ADGRB3: variants seen among roughly 807,000 people sequenced by gnomAD.
ADGRB3 encodes the protein adhesion G protein-coupled receptor B3.
Under a neutral mutation model 193.4 loss-of-function variants are expected in ADGRB3, and 37 were observed. That is an observed-to-expected ratio of 0.19 (90% CI 0.15 to 0.25). The LOEUF is 0.25. ADGRB3 is among the 10% of genes least tolerant of loss of function. The probability of loss-of-function intolerance (pLI) is 1.00; values close to 1 mark genes in which losing one functional copy is unlikely to be tolerated. For synonymous variants in ADGRB3, 690 were observed against 644.2 expected (o/e 1.07, Z -1.08); for missense variants, 1,637 against 1,852.9 (o/e 0.88, Z 2.14).
chr6:68,675,213 T>C (rs58129604), intron 3 of ADGRB3, among the ~76,000 whole-genome samples: 1,532 of 152,254 alleles, frequency 0.01, 24 homozygotes, highest in African/African-American at 0.034. Flanking sequence ...TCCTTAGACA[T>C]ATTTACATCA....
At chr6:69,299,202 C>T (rs183345198) in intron 20 of ADGRB3, among the ~76,000 whole-genome samples, 174 of 151,818 alleles carry the variant, frequency 1.1e-3, no homozygotes, top group Non-Finnish European at 2.0e-3. Context: ...TGTCTATTCA[C>T]ATCTTTTTTT....
intron 20 of ADGRB3, among the ~76,000 whole-genome samples, chr6:69,248,469 A>G (rs1021532442): frequency 2.6e-5 from 4 of 152,246 alleles, no homozygotes; most frequent in Non-Finnish European, 1.5e-5. Context: ...TTAAGTTATC[A>G]CTAAAGATCT....
At chr6:68,801,874 A>G (rs559417398) in intron 3 of ADGRB3, among the ~76,000 whole-genome samples, 10 of 152,234 alleles carry the variant, frequency 6.6e-5, no homozygotes, top group African/African-American at 2.4e-4. Context: ...GCTGAACTGC[A>G]GAAATGGACA....
intron 17 of ADGRB3, among the ~76,000 whole-genome samples, chr6:69,130,316 A>G (rs529047025): frequency 6.6e-6 from 1 of 152,008 alleles, no homozygotes. Flanking sequence ...TTAACATATG[A>G]ATTTTGGGAT....
intron 11 of ADGRB3, among the ~76,000 whole-genome samples, chr6:69,002,042 C>G (rs1769593593): frequency 6.6e-6 from 1 of 152,134 alleles, no homozygotes; most frequent in African/African-American, 2.4e-5. Flanking sequence ...TCTGATACAT[C>G]CGCTAGGTTT....
chr6:69,175,225 C>T (rs1473879421), intron 17 of ADGRB3, among the ~76,000 whole-genome samples: 5 of 152,172 alleles, frequency 3.3e-5, no homozygotes, highest in African/African-American at 1.2e-4. Flanking sequence ...ATGGGTTAAA[C>T]ATTTAAATAT....
chr6:68,818,996 T>A (rs2127379356), intron 3 of ADGRB3, among the ~76,000 whole-genome samples: 1 of 152,256 alleles, frequency 6.6e-6, no homozygotes, highest in African/African-American at 2.4e-5. Context: ...TTCTTTAACT[T>A]GAAATTTTAC....
At chr6:68,788,966 G>A (rs980027568) in intron 3 of ADGRB3, among the ~76,000 whole-genome samples, 1 of 152,128 alleles carries the variant, frequency 6.6e-6, no homozygotes, top group African/African-American at 2.4e-5. Context: ...AGCAGAGACT[G>A]GGATTGCAAA....
chr6:69,101,741 G>A (rs567606408), intron 17 of ADGRB3, among the ~76,000 whole-genome samples: 3 of 151,988 alleles, frequency 2.0e-5, no homozygotes, highest in African/African-American at 7.2e-5. Flanking sequence ...ATCTCATAAA[G>A]CCCTATAGGA....
Position 69,197,624 on chromosome 6 carries a change from G to A in ADGRB3, c.2481-35666G>A, listed in dbSNP as rs1765329426. 2.6e-5 allele frequency among the ~76,000 whole-genome samples: 4 copies of A among 152,120 alleles called. No homozygotes were observed. The South Asian group carries it at 8.3e-4, about 32-fold the overall frequency. ...TGACTTCCACTCACCTGTTTTAAAT[G>A]TGAGACTCCTGGATCCCTTCTGTCA... On this transcript the variant is annotated intron_variant, in intron 17 of 31. Transcript: ENST00000370598.
chr6:69,293,363 T>C (rs975401739), intron 20 of ADGRB3, among the ~76,000 whole-genome samples: 1 of 152,102 alleles, frequency 6.6e-6, no homozygotes, highest in Admixed American at 6.6e-5. Context: ...ATTACCTTAG[T>C]CCTCTCTAAA....
intron 3 of ADGRB3, among the ~76,000 whole-genome samples, chr6:68,878,202 T>C (rs2150223127): frequency 6.6e-6 from 1 of 152,174 alleles, no homozygotes; most frequent in South Asian, 2.1e-4. Context: ...TATTGAAAAA[T>C]GTTCCAATAT....
intron 17 of ADGRB3, among the ~76,000 whole-genome samples, chr6:69,110,035 C>T (rs1746071686): frequency 6.6e-6 from 1 of 150,916 alleles, no homozygotes; most frequent in African/African-American, 2.4e-5. Context: ...GCAACCTCCA[C>T]CTCCCGGGTT....
At chr6:68,749,516 T>A (rs1169680423) in intron 3 of ADGRB3, among the ~76,000 whole-genome samples, 2 of 151,868 alleles carry the variant, frequency 1.3e-5, no homozygotes, top group African/African-American at 2.4e-5. Context: ...CAGTATTGCA[T>A]GTAAATTTGT....
intron 25 of ADGRB3, 101 bp downstream of exon 25, chr6:69,339,115 G>A: frequency 4.7e-6 from 6 of 1,282,908 alleles, no homozygotes; most frequent in Middle Eastern, 1.9e-4. Context: ...TACAAGACCA[G>A]AGAGTATATT....
chr6:69,256,430 G>T (rs1433990680), intron 20 of ADGRB3, among the ~76,000 whole-genome samples: 2 of 152,134 alleles, frequency 1.3e-5, no homozygotes, highest in Non-Finnish European at 2.9e-5. Flanking sequence ...TCCCTTGTAA[G>T]GTGGATTCCT....
intron 17 of ADGRB3, among the ~76,000 whole-genome samples, chr6:69,080,576 T>C (rs1772358145): frequency 6.6e-6 from 1 of 151,924 alleles, no homozygotes; most frequent in Non-Finnish European, 1.5e-5. Flanking sequence ...AATATCATGG[T>C]CTCATTGTTT....
intron 11 of ADGRB3, among the ~76,000 whole-genome samples, chr6:69,012,354 C>A (rs940173641): frequency 6.6e-6 from 1 of 151,976 alleles, no homozygotes; most frequent in Non-Finnish European, 1.5e-5. Context: ...TCATGGACCT[C>A]AGCACAGCTA....
At chr6:68,902,890 A>G (rs1272233133) in intron 3 of ADGRB3, among the ~76,000 whole-genome samples, 1 of 152,172 alleles carries the variant, frequency 6.6e-6, no homozygotes, top group Non-Finnish European at 1.5e-5. Flanking sequence ...ATTGATTAAT[A>G]TCACGTTTTA....
Sources: gnomAD v4.1 joint callset for allele counts (sites outside exome capture counted in the v4.1 genomes callset) on GRCh38, gnomAD v4.1.1 for gene constraint, MANE v1.5 for transcripts, NCBI Gene and HGNC (gene_info 2026-07-23, HGNC 2026-07-21) for gene names.